Variants in ANKS1B observed in about 807,000 individuals in gnomAD.
ANKS1B encodes the protein ankyrin repeat and sterile alpha motif domain containing 1B.
In ANKS1B, 36 loss-of-function variants were observed where a neutral mutation model predicts 148.3. The observed-to-expected ratio is 0.24, with a 90% CI of 0.19 to 0.32. The LOEUF (loss-of-function observed/expected upper bound fraction) is 0.32, where lower values mean the gene tolerates loss of function less well. ANKS1B is among the 10% of genes least tolerant of loss of function. The pLI is 1.00. For missense variants in ANKS1B, 1,157 were observed against 1,542.6 expected (o/e 0.75, Z 4.19); for synonymous variants, 542 against 560.8 (o/e 0.97, Z 0.47).
At chr12:99,499,555 C>T (rs2096636105) in intron 10 of ANKS1B, among the ~76,000 whole-genome samples, 3 of 152,128 alleles carry the variant, frequency 2.0e-5, no homozygotes, top group Admixed American at 1.3e-4. Flanking sequence ...TGTAGGCAGG[C>T]TTTTGACTAC....
rs1225980554 is a variant in ANKS1B at position 98,798,978 on chromosome 12, G to A, written c.3298C>T (p.Leu1100Phe). Residue 1100 changes from leucine (L) to phenylalanine (F), a missense_variant, in exon 22 of 27, where the codon CTT becomes TTT. This residue lies in a region of ANKS1B where 258 missense variants were observed against 497.0 expected (regional missense o/e 0.52). Transcript: ENST00000683438. Reference protein sequence around the residue: ...FYLGSMLIKELRGTESTQDAC... With the variant: ...FYLGSMLIKEFRGTESTQDAC... ...TCTTGGGTTGATTCTGTCCCCCTAA[G>A]CTCTTTTATCAGCATAGAACCTAAA... The A allele has an allele frequency of 6.2e-7, 1 of 1,608,558 alleles. No homozygotes were observed. The highest frequency in any genetic ancestry group is 8.5e-7 in the Non-Finnish European group (1 of 1,177,474).
intron 12 of ANKS1B, among the ~76,000 whole-genome samples, chr12:99,388,199 C>T (rs1387897110): frequency 2.6e-5 from 4 of 152,122 alleles, no homozygotes; most frequent in African/African-American, 9.7e-5. Context: ...AGGTGGGAAG[C>T]CTAAATGAGA....
chr12:99,636,603 TA>T (rs565501152), intron 9 of ANKS1B, among the ~76,000 whole-genome samples: 116 of 152,252 alleles, frequency 7.6e-4, no homozygotes, highest in Middle Eastern at 3.4e-3. Context: ...AAATTTTTTT[TA>T]AAAAACTGGC....
At chr12:99,958,902 T>A (rs2095363140) in intron 1 of ANKS1B, among the ~76,000 whole-genome samples, 1 of 152,096 alleles carries the variant, frequency 6.6e-6, no homozygotes, top group African/African-American at 2.4e-5. Flanking sequence ...TACAGATAAT[T>A]AATGTTTTGC....
At chr12:99,099,036 C>A (rs747600326) in intron 15 of ANKS1B, among the ~76,000 whole-genome samples, 35 of 152,238 alleles carry the variant, frequency 2.3e-4, no homozygotes, top group Non-Finnish European at 3.4e-4. Flanking sequence ...CTGCCAGAGA[C>A]CCTCTTCATT....
chr12:99,935,334 G>A (rs2094734796), intron 1 of ANKS1B, among the ~76,000 whole-genome samples: 2 of 131,134 alleles, frequency 1.5e-5, no homozygotes, highest in South Asian at 4.7e-4. Context: ...ATAAGGATGT[G>A]TTCTTTTTCT....
intron 1 of ANKS1B, among the ~76,000 whole-genome samples, chr12:99,877,867 T>G (rs1403247597): frequency 2.0e-5 from 3 of 152,118 alleles, no homozygotes; most frequent in African/African-American, 7.2e-5. Context: ...GAGACCAGCC[T>G]GGGCAACATG....
chr12:98,784,489 A>G (rs539296646), intron 22 of ANKS1B, among the ~76,000 whole-genome samples: 3 of 152,346 alleles, frequency 2.0e-5, no homozygotes, highest in Admixed American at 2.0e-4. Flanking sequence ...TGGCTCACAC[A>G]GGAGCTGCTA....
At chr12:99,536,279 T>C (rs932733250) in intron 9 of ANKS1B, among the ~76,000 whole-genome samples, 1 of 152,160 alleles carries the variant, frequency 6.6e-6, no homozygotes, top group Non-Finnish European at 1.5e-5. Context: ...AATGTAGCAC[T>C]CTGGTGGGGA....
intron 11 of ANKS1B, among the ~76,000 whole-genome samples, chr12:99,418,392 T>C (rs34192807): frequency 0.15 from 23,460 of 152,170 alleles, 2,137 homozygotes; most frequent in African/African-American, 0.26. Flanking sequence ...TTTGTGATTA[T>C]AAATGACCTT....
intron 1 of ANKS1B, among the ~76,000 whole-genome samples, chr12:99,982,324 T>A (rs1398240013): frequency 8.7e-6 from 1 of 115,156 alleles, no homozygotes; most frequent in East Asian, 2.4e-4. Context: ...AAACTTGACA[T>A]CTATTCTTTA....
chr12:99,754,206 C>T (rs60581051), intron 8 of ANKS1B, among the ~76,000 whole-genome samples: 17,995 of 151,928 alleles, frequency 0.12, 1,531 homozygotes, highest in East Asian at 0.38. Flanking sequence ...GCAAGGGTTG[C>T]TATTCTTATT....
chr12:99,512,759 G>A (rs1710650117), intron 9 of ANKS1B, among the ~76,000 whole-genome samples: 1 of 152,068 alleles, frequency 6.6e-6, no homozygotes, highest in African/African-American at 2.4e-5. Context: ...CAGGGACATG[G>A]ATGGAGCTGG....
intron 15 of ANKS1B, among the ~76,000 whole-genome samples, chr12:99,149,670 G>A (rs2074305414): frequency 6.6e-6 from 1 of 151,982 alleles, no homozygotes; most frequent in Non-Finnish European, 1.5e-5. Flanking sequence ...TGAGGTTATT[G>A]GTCAGTCCTC....
At chr12:98,764,180 C>A (rs2098450576) in intron 25 of ANKS1B, among the ~76,000 whole-genome samples, 2 of 152,280 alleles carry the variant, frequency 1.3e-5, no homozygotes, top group South Asian at 4.2e-4. Context: ...CTCTCCCCTG[C>A]TCCTCAAAAG....
intron 14 of ANKS1B, among the ~76,000 whole-genome samples, chr12:99,241,124 A>G (rs916734820): frequency 6.6e-6 from 1 of 152,154 alleles, no homozygotes; most frequent in African/African-American, 2.4e-5. Context: ...TTTTTTGAAA[A>G]GATCAACAAA....
At chr12:99,396,787 GAGAC>G (rs2094258469) in intron 12 of ANKS1B, among the ~76,000 whole-genome samples, 1 of 152,044 alleles carries the variant, frequency 6.6e-6, no homozygotes, top group Non-Finnish European at 1.5e-5. Flanking sequence ...CTATCCAACT[GAGAC>G]AGAAAAATTT....
chr12:99,159,304 G>A (rs1042859884), intron 14 of ANKS1B, among the ~76,000 whole-genome samples: 3 of 152,078 alleles, frequency 2.0e-5, no homozygotes, highest in African/African-American at 7.2e-5. Flanking sequence ...TTAAGGTTTG[G>A]GGCATGAATG....
At chr12:99,880,289 T>C (rs2092396793) in intron 1 of ANKS1B, among the ~76,000 whole-genome samples, 1 of 152,194 alleles carries the variant, frequency 6.6e-6, no homozygotes, top group African/African-American at 2.4e-5. Flanking sequence ...GCCAATTTTA[T>C]AAAAGATAAA....
Sources: allele counts gnomAD v4.1 joint callset (sites outside exome capture counted in the v4.1 genomes callset), GRCh38; gene constraint gnomAD v4.1.1; regional missense constraint gnomAD v4.1.1; transcripts MANE v1.5; gene names NCBI Gene and HGNC (gene_info 2026-07-23, HGNC 2026-07-21).